The following OSBPL8 variants were observed in gnomAD, a reference collection of about 807,000 sequenced individuals.
OSBPL8 encodes oxysterol binding protein like 8.
OSBPL8 carries 59 observed loss-of-function variants against 125.5 expected under a neutral mutation model. That is an observed-to-expected ratio of 0.47 (90% CI 0.38 to 0.58). OSBPL8 has a LOEUF of 0.58. Ranked by LOEUF, OSBPL8 falls within the 20% of genes least tolerant of loss-of-function variation. The pLI is 0.00. For synonymous variants in OSBPL8, 330 were observed against 338.9 expected (o/e 0.97, Z 0.29); for missense variants, 758 against 1,047.8 (o/e 0.72, Z 3.82).
At chr12:76,462,691 A>G (rs570358075) in intron 2 of OSBPL8, among the ~76,000 whole-genome samples, 7 of 152,316 alleles carry the variant, frequency 4.6e-5, no homozygotes, top group African/African-American at 9.6e-5. Context: ...ACAAATGGGA[A>G]CACAAAAAAT....
At chr12:76,498,576 G>A (rs12815904) in intron 1 of OSBPL8, among the ~76,000 whole-genome samples, 11 of 152,096 alleles carry the variant, frequency 7.2e-5, no homozygotes, top group Non-Finnish European at 1.2e-4. Flanking sequence ...TTAAAACAAA[G>A]AAATGTTCAA....
At chr12:76,552,145 G>GCAGGC (rs1950958005) in intron 1 of OSBPL8, among the ~76,000 whole-genome samples, 1 of 151,940 alleles carries the variant, frequency 6.6e-6, no homozygotes, top group Admixed American at 6.6e-5. Flanking sequence ...AAAACTAGTG[G>GCAGGC]CAGGCACAGT....
At position 76,386,115 on chromosome 12, in the gene OSBPL8, ATAT is replaced by A; in HGVS notation, c.1533+50_1533+52del. 5 of 1,560,258 alleles carry A rather than the reference ATAT, an allele frequency of 3.2e-6. No homozygotes were observed. The South Asian group carries it at 4.8e-5, about 15-fold the overall frequency. Reference sequence around the variant, plus strand: ...TACTGGGTAAATATTTTCTATAAAAATATTCCAATAACTTCCAGATCAGTTTTG... The same window carrying A: ...TACTGGGTAAATATTTTCTATAAAAATCCAATAACTTCCAGATCAGTTTTG... On this transcript the variant is annotated intron_variant, in intron 14 of 23. Transcript: ENST00000261183.
chr12:76,481,175 A>G (rs961402365), intron 2 of OSBPL8, among the ~76,000 whole-genome samples: 1 of 152,226 alleles, frequency 6.6e-6, no homozygotes, highest in East Asian at 1.9e-4. Context: ...TTGCTTTTAG[A>G]TTTCTGACTT....
At chr12:76,551,313 T>G (rs1305504472) in intron 1 of OSBPL8, among the ~76,000 whole-genome samples, 1 of 152,190 alleles carries the variant, frequency 6.6e-6, no homozygotes, top group Admixed American at 6.5e-5. Flanking sequence ...AGTTCTCTAC[T>G]GAGAGTGACC....
At chr12:76,486,949 G>A (rs1009218337) in intron 2 of OSBPL8, among the ~76,000 whole-genome samples, 6 of 151,362 alleles carry the variant, frequency 4.0e-5, no homozygotes, top group African/African-American at 1.5e-4. Flanking sequence ...GATAAAATAA[G>A]AGGAGGAGGA....
chr12:76,459,805 A>G, intron 3 of OSBPL8, 54 bp downstream of exon 3: 1 of 1,588,984 alleles, frequency 6.3e-7, no homozygotes, highest in Non-Finnish European at 8.6e-7. Context: ...TAATAATCAC[A>G]CATCAAAATA....
chr12:76,472,220 T>C (rs1231301787), intron 2 of OSBPL8, among the ~76,000 whole-genome samples: 36 of 152,352 alleles, frequency 2.4e-4, no homozygotes, highest in Non-Finnish European at 4.4e-5. Flanking sequence ...TACCACCATC[T>C]TAACATCATT....
At chr12:76,545,362 G>GA (rs1463588368) in intron 1 of OSBPL8, among the ~76,000 whole-genome samples, 1 of 151,980 alleles carries the variant, frequency 6.6e-6, no homozygotes, top group African/African-American at 2.4e-5. Flanking sequence ...AAGATACTAG[G>GA]AAAAAATTAA....
chr12:76,556,804 C>G (rs1951115560), intron 1 of OSBPL8, among the ~76,000 whole-genome samples: 1 of 152,142 alleles, frequency 6.6e-6, no homozygotes, highest in Non-Finnish European at 1.5e-5. Flanking sequence ...GCTGGGATTA[C>G]AGGCACACAC....
At position 76,399,866 on chromosome 12, in the gene OSBPL8, C is replaced by CA; in HGVS notation, c.468+6dup. On this transcript the variant is annotated splice_region_variant and intron_variant, in intron 7 of 23. Transcript: ENST00000261183. ...CAATCTGAATTCATGATTCAAAACA[C>CA]ACTGACCTTTAACCAATCAGCCATA... The CA allele has an allele frequency of 6.3e-7, 1 of 1,584,922 alleles. No homozygotes were observed. Among genetic ancestry groups the CA allele is most frequent in the Admixed American group, 1.9e-5 (1 of 53,774 alleles).
rs146139917 is a variant in OSBPL8 at position 76,518,013 on chromosome 12, T to A, written c.-67-30395A>T. On this transcript the variant is annotated intron_variant, in intron 1 of 23. Coordinates refer to ENST00000261183, the MANE Select transcript of OSBPL8 (RefSeq NM_020841.5). Reference sequence around the variant, plus strand: ...TATCATTCTGCTGGCGCCACTAATCTCATGTTCTACTCACACTGCAAAATA... The same window carrying A: ...TATCATTCTGCTGGCGCCACTAATCACATGTTCTACTCACACTGCAAAATA... Among the ~76,000 whole-genome samples the A allele has an allele frequency of 7.2e-5, 11 of 152,288 alleles. No individual in the cohort carries two copies. The East Asian group carries it at 2.1e-3, about 29-fold the overall frequency.
chr12:76,387,412 GAATT>G (rs1361540868), intron 12 of OSBPL8, among the ~76,000 whole-genome samples: 7 of 152,180 alleles, frequency 4.6e-5, no homozygotes, highest in African/African-American at 1.7e-4. Context: ...TGATTTTCCA[GAATT>G]AATAAAAACT....
intron 2 of OSBPL8, among the ~76,000 whole-genome samples, chr12:76,479,487 T>C: frequency 6.6e-6 from 1 of 152,342 alleles, no homozygotes; most frequent in East Asian, 1.9e-4. Flanking sequence ...AGAATTCTAA[T>C]GTATACCACT....
chr12:76,356,589 G>C, intron 23 of OSBPL8, 37 bp downstream of exon 23: 1 of 1,289,152 alleles, frequency 7.8e-7, no homozygotes. Flanking sequence ...ACTACTCCTT[G>C]GTCTCAAATG....
intron 1 of OSBPL8, among the ~76,000 whole-genome samples, chr12:76,499,381 A>G (rs1257887817): frequency 6.6e-6 from 1 of 150,990 alleles, no homozygotes; most frequent in African/African-American, 2.4e-5. Flanking sequence ...TATCTAATCT[A>G]TCTATATCCT....
At chr12:76,427,764 A>C (rs1870319564) in intron 4 of OSBPL8, among the ~76,000 whole-genome samples, 1 of 152,082 alleles carries the variant, frequency 6.6e-6, no homozygotes, top group Non-Finnish European at 1.5e-5. Flanking sequence ...GTTTTAAGTT[A>C]TGTGAGGTAT....
At chr12:76,394,226 TA>T (rs1953696562) in intron 9 of OSBPL8, among the ~76,000 whole-genome samples, 2 of 151,836 alleles carry the variant, frequency 1.3e-5, no homozygotes, top group Admixed American at 1.3e-4. Context: ...AATTAAGTGT[TA>T]AAGGAGGAAT....
intron 1 of OSBPL8, among the ~76,000 whole-genome samples, chr12:76,528,330 C>CA (rs35479771): frequency 0.29 from 26,993 of 93,362 alleles, 3,570 homozygotes; most frequent in African/African-American, 0.32. Context: ...GACTCCGTCT[C>CA]AAAAAAAAAA....
Sources: allele counts gnomAD v4.1 joint callset (sites outside exome capture counted in the v4.1 genomes callset), GRCh38; gene constraint gnomAD v4.1.1; transcripts MANE v1.5; gene names NCBI Gene and HGNC (gene_info 2026-07-23, HGNC 2026-07-21).